SLC16A9: variants seen among roughly 807,000 people sequenced by gnomAD.
The protein encoded by SLC16A9 is monocarboxylate transporter 9.
A neutral mutation model predicts 44.3 loss-of-function variants in SLC16A9; 26 were observed. That is an observed-to-expected ratio of 0.59 (90% CI 0.43 to 0.81). SLC16A9 has a LOEUF of 0.81. Among genes scored for constraint, SLC16A9 ranks in the 40% least tolerant of loss-of-function variants. The probability of loss-of-function intolerance (pLI) is 0.00; values close to 1 mark genes in which losing one functional copy is unlikely to be tolerated. For synonymous variants in SLC16A9, 230 were observed against 225.1 expected, an observed-to-expected ratio of 1.02 and a Z score of -0.19; for missense variants, 559 against 595.8, an observed-to-expected ratio of 0.94 and a Z score of 0.64.
At chr10:59,695,962 G>A (rs1840361458) in intron 1 of SLC16A9, among the ~76,000 whole-genome samples, 2 of 152,130 alleles carry the variant, frequency 1.3e-5, no homozygotes, top group South Asian at 2.1e-4. Context: ...GGGTAGACAG[G>A]AAGAAGGCAC....
intron 1 of SLC16A9, 98 bp from the exon 2 acceptor site, chr10:59,684,425 AGGTTCTC>A: frequency 1.9e-6 from 1 of 540,518 alleles, no homozygotes; most frequent in Non-Finnish European, 3.1e-6. Context: ...AAAAAAAAAA[AGGTTCTC>A]CAAAGACATA....
At chr10:59,667,321 T>C (rs1416680360) in intron 3 of SLC16A9, among the ~76,000 whole-genome samples, 1 of 152,180 alleles carries the variant, frequency 6.6e-6, no homozygotes, top group African/African-American at 2.4e-5. Flanking sequence ...ATTTTCTTCA[T>C]ATACTTCAAT....
At chr10:59,706,087 C>T (rs1840630376) in intron 1 of SLC16A9, among the ~76,000 whole-genome samples, 1 of 152,208 alleles carries the variant, frequency 6.6e-6, no homozygotes, top group South Asian at 2.1e-4. Context: ...TACACCCACC[C>T]CACAACTTTT....
intron 1 of SLC16A9, among the ~76,000 whole-genome samples, chr10:59,697,015 G>A (rs1443227130): frequency 9.6e-5 from 9 of 93,812 alleles, no homozygotes; most frequent in East Asian, 6.1e-4. Context: ...CAGCCGCCCC[G>A]TCCGGGAGGT....
At chr10:59,662,223 T>C (rs953428163) in intron 4 of SLC16A9, among the ~76,000 whole-genome samples, 2 of 151,786 alleles carry the variant, frequency 1.3e-5, no homozygotes, top group African/African-American at 4.8e-5. Context: ...AGAAAATATT[T>C]GCAATCTATC....
intron 1 of SLC16A9, among the ~76,000 whole-genome samples, chr10:59,702,562 T>G (rs534251712): frequency 6.6e-6 from 1 of 152,320 alleles, no homozygotes; most frequent in African/African-American, 2.4e-5. Flanking sequence ...TTTTATGTAC[T>G]CAAATGCTTC....
chr10:59,695,206 C>T (rs542601167), intron 1 of SLC16A9, among the ~76,000 whole-genome samples: 1 of 151,828 alleles, frequency 6.6e-6, no homozygotes, highest in South Asian at 2.1e-4. Context: ...GAGGTTTCTT[C>T]GGGGGTGATG....
intron 3 of SLC16A9, among the ~76,000 whole-genome samples, chr10:59,672,287 A>C (rs1276329047): frequency 1.3e-5 from 2 of 152,152 alleles, no homozygotes; most frequent in Non-Finnish European, 2.9e-5. Flanking sequence ...ATAGTAATAC[A>C]TGCTTTCAAA....
intron 3 of SLC16A9, among the ~76,000 whole-genome samples, chr10:59,666,599 C>T (rs964891532): frequency 6.6e-5 from 10 of 152,124 alleles, no homozygotes; most frequent in Non-Finnish European, 1.3e-4. Flanking sequence ...GCTTCACAAC[C>T]ACACCCTCAC....
rs1336251123 is a variant in SLC16A9, at chr10:59,651,669, A to ATTTT, written c.*1099_*1102dup. 2 of 152,212 alleles carry ATTTT rather than the reference A, an allele frequency of 1.3e-5. No homozygotes were observed. The highest frequency in any genetic ancestry group is 2.4e-5 in the African/African-American group (1 of 41,530). The allele number at this position is 152,212 out of a possible 1,614,324, so 9.4% of individuals were successfully genotyped here. A position where few individuals can be genotyped will look rare whatever the true frequency, so the allele number is the denominator to read the frequency against. On this transcript the variant is annotated 3_prime_UTR_variant, in exon 6 of 6. Coordinates refer to ENST00000395348, the MANE Select transcript of SLC16A9 (RefSeq NM_194298.3). ...AAACATTGGAGTTTATCCCAAGGACATTTTTCTTAAGGTTAAATGCAACTG... is the reference window on the plus strand; with the variant it reads ...AAACATTGGAGTTTATCCCAAGGACATTTTTTTTTCTTAAGGTTAAATGCAACTG...
chr10:59,675,371 G>A (rs147286660), intron 2 of SLC16A9, among the ~76,000 whole-genome samples: 213 of 152,306 alleles, frequency 1.4e-3, no homozygotes, highest in African/African-American at 5.0e-3. Context: ...GAACATCAAG[G>A]TACTGTTAGA....
chr10:59,659,856 C>A (rs1396030616), intron 4 of SLC16A9, among the ~76,000 whole-genome samples: 1 of 152,158 alleles, frequency 6.6e-6, no homozygotes, highest in Non-Finnish European at 1.5e-5. Context: ...TCACTGAAAA[C>A]CACACAACTA....
chr10:59,690,935 A>G (rs1840238926), intron 1 of SLC16A9, among the ~76,000 whole-genome samples: 2 of 152,090 alleles, frequency 1.3e-5, no homozygotes, highest in South Asian at 4.1e-4. Context: ...AAATACAAAA[A>G]TTATCTGGGC....
chr10:59,656,464 T>C (rs1215893361), intron 4 of SLC16A9, among the ~76,000 whole-genome samples: 1 of 152,228 alleles, frequency 6.6e-6, no homozygotes, highest in Non-Finnish European at 1.5e-5. Context: ...TGAAAATCAA[T>C]TCAACAGATA....
intron 2 of SLC16A9, among the ~76,000 whole-genome samples, chr10:59,683,742 C>T (rs1297399887): frequency 9.9e-5 from 15 of 152,214 alleles, no homozygotes; most frequent in Admixed American, 9.8e-4. Flanking sequence ...ATCTCCCTGA[C>T]TCATTCTTAC....
chr10:59,707,025 AGCTGGGCACAGTGGCTCAT>A (rs1840654395), intron 1 of SLC16A9, among the ~76,000 whole-genome samples: 1 of 148,818 alleles, frequency 6.7e-6, no homozygotes, highest in African/African-American at 2.5e-5. Context: ...AAGGGAAGTC[AGCTGGGCACAGTGGCTCAT>A]GCCTGTAATC....
intron 1 of SLC16A9, among the ~76,000 whole-genome samples, chr10:59,696,215 T>A (rs1390476119): frequency 6.6e-6 from 1 of 152,232 alleles, no homozygotes; most frequent in Non-Finnish European, 1.5e-5. Context: ...CTGATTCTCC[T>A]GCCTCAGCCT....
At chr10:59,664,044 A>AG (rs1054957753) in intron 4 of SLC16A9, among the ~76,000 whole-genome samples, 183 bp downstream of exon 4, 1 of 150,772 alleles carries the variant, frequency 6.6e-6, no homozygotes, top group Non-Finnish European at 1.5e-5. Context: ...AAAAAAAAAA[A>AG]AAAAGAAAGC....
intron 3 of SLC16A9, among the ~76,000 whole-genome samples, 197 bp from the exon 4 acceptor site, chr10:59,664,519 C>G (rs1839564753): frequency 6.6e-6 from 1 of 152,102 alleles, no homozygotes; most frequent in South Asian, 2.1e-4. Flanking sequence ...CACCCCACAC[C>G]CACCTTAAGA....
Sources: gnomAD v4.1 joint callset for allele counts (sites outside exome capture counted in the v4.1 genomes callset) on GRCh38, gnomAD v4.1.1 for gene constraint, MANE v1.5 for transcripts, NCBI Gene and HGNC (gene_info 2026-07-23, HGNC 2026-07-21) for gene names.